The following DEPDC7 variants were observed in gnomAD, a reference collection of about 807,000 sequenced individuals.
The protein encoded by DEPDC7 is DEP domain-containing protein 7.
DEPDC7 carries 41 observed loss-of-function variants against 56.6 expected under a neutral mutation model. That is an observed-to-expected ratio of 0.72 (90% CI 0.56 to 0.94). DEPDC7 has a LOEUF of 0.94. Among genes scored for constraint, DEPDC7 ranks in the 40% least tolerant of loss-of-function variants. The pLI is 0.00. For missense variants in DEPDC7, 522 were observed against 596.3 expected, an observed-to-expected ratio of 0.88 and a Z score of 1.30; for synonymous variants, 185 against 208.8, an observed-to-expected ratio of 0.89 and a Z score of 0.98.
Position 33,033,295 on chromosome 11 carries a change from A to G in DEPDC7, c.1376A>G (p.Asp459Gly), listed in dbSNP as rs558568919. The G allele has an allele frequency of 6.3e-7, 1 of 1,599,924 alleles. No homozygotes were observed. The highest frequency in any genetic ancestry group is 1.3e-5 in the African/African-American group (1 of 74,084). ...YIYCQRIDQRDYSNNTEKTTK... is the reference protein window; with the variant it reads ...YIYCQRIDQRGYSNNTEKTTK... ...TATTGCCAGAGAATTGATCAACGTG[A>G]CTATTCCAACAATACAGAGAAGACA... Residue 459 changes from aspartate to glycine, a missense_variant, in exon 9 of 9, where the codon GAC becomes GGC. Physicochemically the swap from Asp to Gly is moderately conservative, Grantham distance 94. Transcript: ENST00000241051.
intron 4 of DEPDC7, among the ~76,000 whole-genome samples, chr11:33,030,319 A>C (rs1476508894): frequency 3.3e-5 from 5 of 152,226 alleles, no homozygotes; most frequent in Admixed American, 2.6e-4. Context: ...CTTAAAGATC[A>C]TCTTATCATA....
chr11:33,023,458 T>C (rs1053875821), intron 1 of DEPDC7, among the ~76,000 whole-genome samples: 2 of 152,226 alleles, frequency 1.3e-5, no homozygotes, highest in Admixed American at 6.5e-5. Flanking sequence ...ACTCCTTATA[T>C]TTATTGCAAC....
Position 33,032,812 on chromosome 11 carries a change from T to C in DEPDC7, c.1263+19T>C. On this transcript the variant is annotated intron_variant, in intron 7 of 8. Transcript: ENST00000241051. ...TTTTAAGGTAAAATTGTGAAAGTAGTTAAATTGAGCTTATGTAATAGATCA... is the reference window on the plus strand; with the variant it reads ...TTTTAAGGTAAAATTGTGAAAGTAGCTAAATTGAGCTTATGTAATAGATCA... 6.3e-7 allele frequency: 1 copy of C among 1,594,966 alleles called. No individual in the cohort carries two copies. The highest frequency in any genetic ancestry group is 1.8e-5 in the Admixed American group (1 of 55,540).
intron 2 of DEPDC7, 59 bp from the exon 3 acceptor site, chr11:33,027,627 A>T: frequency 7.1e-7 from 1 of 1,416,636 alleles, no homozygotes; most frequent in Non-Finnish European, 9.3e-7. Context: ...TAGCTCTCAA[A>T]TACTAAAATA....
At chr11:33,017,532 A>G (rs1404217860) in intron 1 of DEPDC7, among the ~76,000 whole-genome samples, 2 of 152,212 alleles carry the variant, frequency 1.3e-5, no homozygotes, top group African/African-American at 4.8e-5. Flanking sequence ...TCGGCACACT[A>G]GCTGCAGTGG....
Position 33,025,980 on chromosome 11 carries a change from A to G in DEPDC7, c.395A>G (p.Tyr132Cys), listed in dbSNP as rs1590208435. ...PTFEDSSCSLYRFTTIPNQDS... is the reference protein window; with the variant it reads ...PTFEDSSCSLCRFTTIPNQDS... ...TTTGAAGATAGTAGTTGCAGCCTTTATAGATTCACCACAATACCTAACCAA... is the reference window on the plus strand; with the variant it reads ...TTTGAAGATAGTAGTTGCAGCCTTTGTAGATTCACCACAATACCTAACCAA... Residue 132 changes from tyrosine to cysteine, a missense_variant, in exon 2 of 9, where the codon TAT (tyrosine) becomes TGT (cysteine). Physicochemically the swap from Tyr to Cys is radical, Grantham distance 194. Coordinates refer to ENST00000241051, the MANE Select transcript of DEPDC7 (RefSeq NM_001077242.2). 6.2e-7 allele frequency: 1 copy of G among 1,614,002 alleles called. No individual in the cohort carries two copies. Among genetic ancestry groups the G allele is most frequent in the Non-Finnish European group, 8.5e-7 (1 of 1,180,026 alleles).
intron 1 of DEPDC7, among the ~76,000 whole-genome samples, chr11:33,019,796 A>G (rs1428198984): frequency 1.3e-5 from 2 of 152,182 alleles, no homozygotes; most frequent in Non-Finnish European, 2.9e-5. Context: ...GTAAACCGCT[A>G]GGAAATCTGA....
intron 1 of DEPDC7, among the ~76,000 whole-genome samples, chr11:33,018,170 T>A (rs1295753974): frequency 3.3e-5 from 5 of 152,246 alleles, no homozygotes; most frequent in African/African-American, 1.2e-4. Context: ...AACTTTGGAC[T>A]ACCAGAACCA....
chr11:33,024,558 T>A (rs1853557610), intron 1 of DEPDC7, among the ~76,000 whole-genome samples: 1 of 152,196 alleles, frequency 6.6e-6, no homozygotes, highest in South Asian at 2.1e-4. Context: ...CAAACCTTGA[T>A]GGTATAGCCT....
chr11:33,032,300 G>A, intron 5 of DEPDC7, 36 bp from the exon 6 acceptor site: 1 of 1,534,206 alleles, frequency 6.5e-7, no homozygotes, highest in Non-Finnish European at 8.7e-7. Flanking sequence ...AGTCATATTT[G>A]GTCAATTAAA....
Position 33,016,013 on chromosome 11 carries a change from G to C in DEPDC7, c.58G>C (p.Ala20Pro), listed in dbSNP as rs776707978. Residue 20 changes from alanine (A) to proline (P), a missense_variant, in exon 1 of 9, where the codon GCG becomes CCG. Physicochemically the swap from Ala to Pro is conservative, Grantham distance 27 (BLOSUM62 -1). Transcript: ENST00000241051. The part of the protein sequence containing the change: ...ALNLSALHSP[A>P]HRPPGFSVAQ... ...GAACCTCTCGGCTCTCCACAGCCCC[G>C]CGCACAGGCCTCCGGGTAGGTGCCG... 2 of 1,551,268 alleles carry C rather than the reference G, an allele frequency of 1.3e-6. No homozygotes were observed. Among genetic ancestry groups the C allele is most frequent in the Non-Finnish European group, 1.7e-6 (2 of 1,149,198 alleles).
At position 33,032,934 on chromosome 11, in the gene DEPDC7, A is replaced by G. The variant is rs1309212490; in HGVS notation, c.1309A>G (p.Ile437Val). 26 of 1,604,506 alleles carry G rather than the reference A, an allele frequency of 1.6e-5. No homozygotes were observed. Among genetic ancestry groups the G allele is most frequent in the Non-Finnish European group, 2.1e-5 (25 of 1,176,094 alleles). The change falls in exon 8 of 9, where the codon ATA becomes GTA. Residue 437 changes from isoleucine to valine, a missense_variant. Coordinates refer to ENST00000241051, the MANE Select transcript of DEPDC7 (RefSeq NM_001077242.2). ...AATTGTAAGTGTTAAGCTTATGGCC[A>G]TACAGAACGGAAGAGATCCAAATAG... ...HKIVSVKLMA[I>V]QNGRDPNRDA...
chr11:33,021,796 T>A (rs1853526901), intron 1 of DEPDC7, among the ~76,000 whole-genome samples: 1 of 152,188 alleles, frequency 6.6e-6, no homozygotes, highest in South Asian at 2.1e-4. Flanking sequence ...TTCACAGGTG[T>A]CTACTCTCCT....
rs770180998 is a variant in DEPDC7, at chr11:33,033,253, A to C, written c.1343-9A>C. 2.0e-5 allele frequency: 32 copies of C among 1,561,234 alleles called. No individual in the cohort carries two copies. Among genetic ancestry groups the C allele is most frequent in the South Asian group, 1.9e-4 (16 of 82,734 alleles). On this transcript the variant is annotated splice_polypyrimidine_tract_variant and intron_variant, in intron 8 of 8. Transcript: ENST00000241051. The stretch of plus-strand genomic sequence containing the variant: ...TCATTAACTGAACTTTTTACTTTTA[A>C]ACTTTAAGGATATATTTATTGCCAG...
rs1477468976 is a variant in DEPDC7, at chr11:33,031,370, C to T, written c.783-8C>T. On this transcript the variant is annotated splice_polypyrimidine_tract_variant and splice_region_variant and intron_variant, in intron 4 of 8. Coordinates refer to ENST00000241051, the MANE Select transcript of DEPDC7 (RefSeq NM_001077242.2). ...GCCTTTTAAATAATCTTCCCCTCTC[C>T]CCTATAGGGAAGATGAGTGGCTCTC... 2 of 1,605,680 alleles carry T rather than the reference C, an allele frequency of 1.2e-6. No homozygotes were observed. Among genetic ancestry groups the T allele is most frequent in the African/African-American group, 1.3e-5 (1 of 74,724 alleles).
rs1008035183 is a variant in DEPDC7 at position 33,029,289 on chromosome 11, G to A, written c.782+497G>A. Reference sequence around the variant, plus strand: ...GAGGTGGGTGGATCACTTGAGGTCAGGAGTGCGAGGCCAGCCTGGCCGACA... The same window carrying A: ...GAGGTGGGTGGATCACTTGAGGTCAAGAGTGCGAGGCCAGCCTGGCCGACA... On this transcript the variant is annotated intron_variant, in intron 4 of 8. Transcript: ENST00000241051. 2.6e-5 allele frequency among the ~76,000 whole-genome samples: 4 copies of A among 151,660 alleles called. No homozygotes were observed. In the South Asian group the frequency reaches 8.3e-4, roughly 32 times the overall value.
chr11:33,016,506 G>A, intron 1 of DEPDC7: 1 of 1,613,638 alleles, frequency 6.2e-7, no homozygotes, highest in East Asian at 2.2e-5. Context: ...GGAGTCAAGA[G>A]TCAGCTTGTC....
chr11:33,020,447 G>C (rs146533120), intron 1 of DEPDC7, among the ~76,000 whole-genome samples: 173 of 152,290 alleles, frequency 1.1e-3, no homozygotes, highest in African/African-American at 4.1e-3. Flanking sequence ...TTTATATAGT[G>C]CTTGAGACTA....
At chr11:33,025,575 A>G (rs1323748843) in intron 1 of DEPDC7, 84 bp from the exon 2 acceptor site, 1 of 1,347,672 alleles carries the variant, frequency 7.4e-7, no homozygotes, top group East Asian at 2.3e-5. Context: ...AAATTACCAC[A>G]TTTTTGCCTA....
Sources: gnomAD v4.1 joint callset for allele counts (sites outside exome capture counted in the v4.1 genomes callset) on GRCh38, gnomAD v4.1.1 for gene constraint, MANE v1.5 for transcripts, NCBI Gene and HGNC (gene_info 2026-07-23, HGNC 2026-07-21) for gene names.